OSBPL7: variants seen among roughly 807,000 people sequenced by gnomAD.
OSBPL7 encodes oxysterol binding protein like 7, also known as oxysterol-binding protein-related protein 7.
OSBPL7 carries 66 observed loss-of-function variants against 115.8 expected under a neutral mutation model. The ratio of observed to expected loss-of-function variants is 0.57; its 90% CI spans 0.47 to 0.70. The LOEUF (loss-of-function observed/expected upper bound fraction) is 0.70. OSBPL7 is among the 30% of genes least tolerant of loss of function. OSBPL7 has a pLI of 0.00. For synonymous variants in OSBPL7, 441 were observed against 439.2 expected, an observed-to-expected ratio of 1.00 and a Z score of -0.05; for missense variants, 902 against 1,125.5, an observed-to-expected ratio of 0.80 and a Z score of 2.84.
Position 47,808,467 on chromosome 17 carries a change from G to T in OSBPL7, c.2421-68C>A. ...AGGCAGGCTAGGGTCCTAAGGTGCT[G>T]CCTCCCACACCTGCCCTGCTCCAAG... is the stretch of plus-strand genomic sequence containing the variant. On this transcript the variant is annotated intron_variant, in intron 22 of 22. Coordinates refer to ENST00000007414, the MANE Select transcript of OSBPL7 (RefSeq NM_145798.3). The surrounding 1 kb of genome is among the most constrained non-coding windows in gnomAD (Gnocchi z 6.1). 1 of 1,613,890 alleles carries T rather than the reference G, an allele frequency of 6.2e-7. No homozygotes were observed. Among genetic ancestry groups the T allele is most frequent in the South Asian group, 1.1e-5 (1 of 91,078 alleles).
Position 47,807,789 on chromosome 17 carries a change from G to C in OSBPL7, c.*502C>G, listed in dbSNP as rs2032902525. The C allele has an allele frequency of 6.2e-6, 1 of 161,860 alleles. No homozygotes were observed. Among genetic ancestry groups the C allele is most frequent in the Non-Finnish European group, 1.4e-5 (1 of 73,304 alleles). 10.0% of individuals were successfully genotyped at this position (161,860 alleles called of 1,614,324 possible). On this transcript the variant is annotated 3_prime_UTR_variant, in exon 23 of 23. Coordinates refer to ENST00000007414, the MANE Select transcript of OSBPL7 (RefSeq NM_145798.3). ...GACTAACCAAAGGGAGCTGGAGAAG[G>C]CCCTGCAGGGCCAGGGAAGGGGAAG...
chr17:47,817,967 A>G (rs1279500965), intron 7 of OSBPL7, among the ~76,000 whole-genome samples: 2 of 152,108 alleles, frequency 1.3e-5, no homozygotes, highest in African/African-American at 2.4e-5. Flanking sequence ...ACCCTTTCCT[A>G]GAGCACACCC....
intron 14 of OSBPL7, among the ~76,000 whole-genome samples, chr17:47,814,046 A>G (rs1781488391): frequency 6.6e-6 from 1 of 152,204 alleles, no homozygotes. Flanking sequence ...GGTGGGAGCC[A>G]TGCAAAGGGG....
At chr17:47,810,150 C>T (rs968633954) in intron 18 of OSBPL7, among the ~76,000 whole-genome samples, 1 of 152,146 alleles carries the variant, frequency 6.6e-6, no homozygotes. Context: ...ACCCAGACCA[C>T]TTTCAATACC....
Position 47,813,348 on chromosome 17 carries a change from C to T in OSBPL7, c.1655G>A (p.Gly552Asp). Residue 552 changes from glycine (G) to aspartate (D), a missense_variant, in exon 16 of 23, where the codon GGC becomes GAC. Physicochemically the swap from Gly to Asp is moderately conservative, Grantham distance 94. This residue lies in a region of OSBPL7 where 667 missense variants were observed against 788.7 expected (regional missense o/e 0.85). Coordinates refer to ENST00000007414, the MANE Select transcript of OSBPL7 (RefSeq NM_145798.3). ...SAYSSTYHRAGCKPFNPVLGE... is the reference protein window; with the variant it reads ...SAYSSTYHRADCKPFNPVLGE... ...CAGGACAGGGTTGAAGGGCTTGCAG[C>T]CGGCTCGGTGGTATGTGGAGGAGTA... The T allele has an allele frequency of 6.2e-7, 1 of 1,614,096 alleles. No individual in the cohort carries two copies. The highest frequency in any genetic ancestry group is 1.3e-5 in the African/African-American group (1 of 75,064).
chr17:47,819,694 T>C lies in OSBPL7; in HGVS notation c.255+35A>G, dbSNP rs781017643. ...TGCCCAGGGCATACTGGGGCCAGACTCCTCCCACAACCCCAAGCCACTGCC... is the reference window on the plus strand; with the variant it reads ...TGCCCAGGGCATACTGGGGCCAGACCCCTCCCACAACCCCAAGCCACTGCC... On this transcript the variant is annotated intron_variant, in intron 4 of 22. Coordinates refer to ENST00000007414, the MANE Select transcript of OSBPL7 (RefSeq NM_145798.3). 6.8e-6 allele frequency: 11 copies of C among 1,613,506 alleles called. No homozygotes were observed. In the East Asian group the frequency reaches 2.2e-4, roughly 33 times the overall value.
intron 18 of OSBPL7, 83 bp downstream of exon 18, chr17:47,810,511 A>G: frequency 7.9e-7 from 1 of 1,262,758 alleles, no homozygotes; most frequent in Non-Finnish European, 1.1e-6. Context: ...TCCCGTCCTT[A>G]TCCTGTCCCT....
chr17:47,808,019 A>C lies in OSBPL7; in HGVS notation c.*272T>G. ...CCCAAGTACCCCAAAGGGGACAGGA[A>C]TCGGAATGGTGAAGCGGGAAGGGTC... On this transcript the variant is annotated 3_prime_UTR_variant, in exon 23 of 23. Transcript: ENST00000007414. This position sits in a 1 kb window ranked among gnomAD's most constrained non-coding sequence, Gnocchi z 6.1. 8.3e-6 allele frequency: 4 copies of C among 481,018 alleles called. No individual in the cohort carries two copies. Among genetic ancestry groups the C allele is most frequent in the Non-Finnish European group, 3.8e-6 (1 of 262,526 alleles). The allele number at this position is 481,018 out of a possible 1,614,324, so 29.8% of individuals were successfully genotyped here.
chr17:47,817,217 G>A, intron 8 of OSBPL7, 39 bp downstream of exon 8: 12 of 1,489,518 alleles, frequency 8.1e-6, no homozygotes, highest in Non-Finnish European at 9.2e-6. Flanking sequence ...ATGGGATCGG[G>A]GGCCTGAGCA....
chr17:47,808,884 C>A lies in OSBPL7; in HGVS notation c.2277G>T (p.Thr759=). 2 of 1,614,234 alleles carry A rather than the reference C, an allele frequency of 1.2e-6. No homozygotes were observed. Among genetic ancestry groups the A allele is most frequent in the Non-Finnish European group, 8.5e-7 (1 of 1,180,036 alleles). ...CTGACCTCTGGTCTGGCCGGAGTCT[C>A]GTGTCGGTGGAAGGCAGCGACCGTT... The part of the protein sequence containing the change: ...ELKRSLPSTD[T]RLRPDQRYLE... The change falls in exon 21 of 23, where the codon ACG becomes ACT. Residue 759 remains threonine (T), a synonymous_variant. Transcript: ENST00000007414. The surrounding 1 kb of genome is among the most constrained non-coding windows in gnomAD (Gnocchi z 6.1).
chr17:47,808,167 C>T lies in OSBPL7; in HGVS notation c.*124G>A. 1.4e-6 allele frequency: 1 copy of T among 716,612 alleles called. No homozygotes were observed. The highest frequency in any genetic ancestry group is 1.7e-5 in the South Asian group (1 of 58,266). The allele number at this position is 716,612 out of a possible 1,614,324, so 44.4% of individuals were successfully genotyped here. On this transcript the variant is annotated 3_prime_UTR_variant, in exon 23 of 23. Transcript: ENST00000007414. This position sits in a 1 kb window ranked among gnomAD's most constrained non-coding sequence, Gnocchi z 6.1. ...TCTGGCCAGCAGAGGGGAGGGAGGG[C>T]CAGGGCTGCCCCTTTGGTCTCAAGG...
chr17:47,815,165 C>T, intron 13 of OSBPL7, 50 bp downstream of exon 13: 1 of 1,574,688 alleles, frequency 6.4e-7, no homozygotes, highest in Non-Finnish European at 8.7e-7. Context: ...CCCTTCTGTT[C>T]CCAAGGTCCC....
chr17:47,817,023 C>G, intron 8 of OSBPL7, 151 bp from the exon 9 acceptor site: 1 of 791,310 alleles, frequency 1.3e-6, no homozygotes, highest in Non-Finnish European at 2.1e-6. Context: ...GGCAGGGCGA[C>G]AGAGACAACT....
rs772141294 is a variant in OSBPL7 at position 47,818,574 on chromosome 17, G to A, written c.412C>T (p.Arg138Cys). The A allele has an allele frequency of 2.4e-5, 39 of 1,612,696 alleles. No individual in the cohort carries two copies. The highest frequency in any genetic ancestry group is 5.0e-5 in the Admixed American group (3 of 59,862). The change falls in exon 6 of 23, where the codon CGT (arginine) becomes TGT (cysteine). Residue 138 changes from arginine (R) to cysteine (C), a missense_variant. Physicochemically the swap from Arg to Cys is radical, Grantham distance 180. Transcript: ENST00000007414. Reference sequence around the variant, plus strand: ...AGGCGGTGGGCTAGGCGGTGGGCACGCAGCTGCGCCACCCAGCTCTGGAAT... The same window carrying A: ...AGGCGGTGGGCTAGGCGGTGGGCACACAGCTGCGCCACCCAGCTCTGGAAT... ...DLFQSWVAQL[R>C]AHRLAHRLDM...
Position 47,809,159 on chromosome 17 carries a change from C to T in OSBPL7, c.2087G>A (p.Arg696His), listed in dbSNP as rs376859496. 4.6e-5 allele frequency: 75 copies of T among 1,614,028 alleles called. No homozygotes were observed. Among genetic ancestry groups the T allele is most frequent in the Non-Finnish European group, 6.0e-5 (71 of 1,180,050 alleles). The change falls in exon 20 of 23, where the codon CGT (arginine) becomes CAT (histidine). Residue 696 changes from arginine (R) to histidine (H), a missense_variant. Transcript: ENST00000007414. ...VQGAVLSRSG[R>H]VLHRLFGKWH... ...CTTCCCAAAGAGTCGGTGGAGGACA[C>T]GGCCACTCCGACTGAGCACAGCGCC... is the stretch of plus-strand genomic sequence containing the variant.
intron 4 of OSBPL7, 68 bp from the exon 5 acceptor site, chr17:47,819,167 T>C: frequency 1.5e-6 from 2 of 1,337,506 alleles, no homozygotes; most frequent in Non-Finnish European, 2.1e-6. Flanking sequence ...AGAGCCACCA[T>C]CTCCCTGATG....
chr17:47,816,289 C>T lies in OSBPL7; in HGVS notation c.1024-87G>A. 2 of 1,489,068 alleles carry T rather than the reference C, an allele frequency of 1.3e-6. No homozygotes were observed. Among genetic ancestry groups the T allele is most frequent in the Non-Finnish European group, 1.8e-6 (2 of 1,104,782 alleles). The allele number at this position is 1,489,068 out of a possible 1,614,324, so 92.2% of individuals were successfully genotyped here. ...TCTCTGCAGAGACTGCCTCTGCCAA[C>T]CCCCCACCCTGACCCAGATCTGCTA... On this transcript the variant is annotated intron_variant, in intron 11 of 22. Coordinates refer to ENST00000007414, the MANE Select transcript of OSBPL7 (RefSeq NM_145798.3). The surrounding 1 kb of genome is among the most constrained non-coding windows in gnomAD (Gnocchi z 5.8).
Position 47,816,417 on chromosome 17 carries a change from G to A in OSBPL7, c.994C>T (p.His332Tyr), listed in dbSNP as rs1423022593. 1 of 1,536,854 alleles carries A rather than the reference G, an allele frequency of 6.5e-7. No homozygotes were observed. Among genetic ancestry groups the A allele is most frequent in the Non-Finnish European group, 8.8e-7 (1 of 1,139,478 alleles). Residue 332 changes from histidine to tyrosine, a missense_variant, in exon 11 of 23, where the codon CAC (histidine) becomes TAC (tyrosine). By Grantham distance (83) the His-to-Tyr change is moderately conservative (BLOSUM62 2). Around this residue, in one of 3 missense-constraint regions of OSBPL7, gnomAD observed 667 missense variants for 788.7 expected, o/e 0.85. Transcript: ENST00000007414. The surrounding 1 kb of genome is among the most constrained non-coding windows in gnomAD (Gnocchi z 5.8). ...ATTCTTGACAACTCTGAGCCCTGGTGCATGTCCCTCAGTTGGTCCCGTTCC... is the reference window on the plus strand; with the variant it reads ...ATTCTTGACAACTCTGAGCCCTGGTACATGTCCCTCAGTTGGTCCCGTTCC... ...TMERDQLRDM[H>Y]QGSELSRMGV...
rs148584339 is a variant in OSBPL7 at position 47,818,552 on chromosome 17, C to T, written c.434G>A (p.Arg145His). 63 of 1,610,974 alleles carry T rather than the reference C, an allele frequency of 3.9e-5. 1 individual carries two copies. The highest frequency in any genetic ancestry group is 2.9e-4 in the South Asian group (26 of 90,522). Residue 145 changes from arginine (R) to histidine (H), a missense_variant, in exon 6 of 23, where the codon CGC (arginine) becomes CAC (histidine). Physicochemically the swap from Arg to His is conservative, Grantham distance 29. This residue lies in a region of OSBPL7 where 667 missense variants were observed against 788.7 expected (regional missense o/e 0.85). Transcript: ENST00000007414. ...AQLRAHRLAHRLDMPRGSLPS... is the reference protein window; with the variant it reads ...AQLRAHRLAHHLDMPRGSLPS... ...CAGTGAGCCACGGGGCATGTCCAGG[C>T]GGTGGGCTAGGCGGTGGGCACGCAG... is the stretch of plus-strand genomic sequence containing the variant.
Sources: gnomAD v4.1 joint callset for allele counts (sites outside exome capture counted in the v4.1 genomes callset) on GRCh38, gnomAD v4.1.1 for gene constraint, gnomAD v4.1.1 regional missense constraint, Gnocchi (gnomAD v3.1) non-coding constraint, MANE v1.5 for transcripts, NCBI Gene and HGNC (gene_info 2026-07-23, HGNC 2026-07-21) for gene names.